CC2D2B: variants seen among roughly 807,000 people sequenced by gnomAD.
The protein encoded by CC2D2B is coiled-coil and C2 domain containing 2B, also known as protein CC2D2B.
A neutral mutation model predicts 161.2 loss-of-function variants in CC2D2B; 128 were observed. The observed-to-expected ratio is 0.79, with a 90% CI of 0.69 to 0.92. CC2D2B has a LOEUF of 0.92. CC2D2B is among the 40% of genes least tolerant of loss of function. The probability of loss-of-function intolerance (pLI) is 0.00; values close to 1 mark genes in which losing one functional copy is unlikely to be tolerated. For synonymous variants in CC2D2B, 391 were observed against 449.8 expected (o/e 0.87, Z 1.65); for missense variants, 1,173 against 1,375.1 (o/e 0.85, Z 2.32).
chr10:95,928,570 C>G (rs889669399), intron 6 of CC2D2B, among the ~76,000 whole-genome samples: 1 of 152,122 alleles, frequency 6.6e-6, no homozygotes, highest in Non-Finnish European at 1.5e-5. Flanking sequence ...CCCCCACCCC[C>G]TGACAGGCCC....
At chr10:96,027,760 T>C (rs922458621) in intron 34 of CC2D2B, among the ~76,000 whole-genome samples, 1 of 152,188 alleles carries the variant, frequency 6.6e-6, no homozygotes, top group African/African-American at 2.4e-5. Flanking sequence ...AGAGCTTTAG[T>C]AACTAAAATA....
chr10:96,009,062 A>G (rs1301433304), intron 25 of CC2D2B, among the ~76,000 whole-genome samples: 1 of 151,906 alleles, frequency 6.6e-6, no homozygotes, highest in Non-Finnish European at 1.5e-5. Flanking sequence ...TCCTGATTAT[A>G]TTTCTTGTTT....
intron 18 of CC2D2B, 69 bp downstream of exon 18, chr10:95,982,182 T>C: frequency 1.9e-6 from 2 of 1,048,148 alleles, no homozygotes; most frequent in Non-Finnish European, 2.4e-6. Context: ...GAAAGTATAG[T>C]TTCCCCCATA....
At chr10:95,947,122 T>A (rs1198278099) in intron 9 of CC2D2B, among the ~76,000 whole-genome samples, 9,354 of 44,800 alleles carry the variant, frequency 0.21, 1,027 homozygotes, top group African/African-American at 0.32. Context: ...TATTTTTTTT[T>A]TTTTTTTTGA....
At chr10:95,959,890 C>T (rs1298846883) in intron 11 of CC2D2B, among the ~76,000 whole-genome samples, 1 of 152,022 alleles carries the variant, frequency 6.6e-6, no homozygotes, top group African/African-American at 2.4e-5. Flanking sequence ...AGGCAAAGTA[C>T]CTCTAAATTT....
At chr10:95,924,529 C>CTATA (rs77791639) in intron 4 of CC2D2B, 139 bp downstream of exon 4, 23 of 558,506 alleles carry the variant, frequency 4.1e-5, no homozygotes, top group Admixed American at 7.0e-5. Flanking sequence ...CTCTCTCTCT[C>CTATA]TATATATATA....
At chr10:95,943,336 G>C (rs2076087307) in intron 9 of CC2D2B, among the ~76,000 whole-genome samples, 1 of 152,118 alleles carries the variant, frequency 6.6e-6, no homozygotes, top group Non-Finnish European at 1.5e-5. Flanking sequence ...CAGACCTTCT[G>C]AATATTGATG....
chr10:95,966,327 A>C, intron 14 of CC2D2B, 25 bp downstream of exon 14: 1 of 813,356 alleles, frequency 1.2e-6, no homozygotes, highest in Non-Finnish European at 1.6e-6. Context: ...ATAATTATTT[A>C]TTTATTATAT....
chr10:96,001,970 ATAAT>A (rs2078518015), intron 24 of CC2D2B, among the ~76,000 whole-genome samples: 1 of 152,228 alleles, frequency 6.6e-6, no homozygotes, highest in South Asian at 2.1e-4. Flanking sequence ...ATCAAGTTAA[ATAAT>A]TAACATATAA....
chr10:95,940,006 G>C (rs181341666), intron 9 of CC2D2B, among the ~76,000 whole-genome samples: 1 of 152,244 alleles, frequency 6.6e-6, no homozygotes, highest in Non-Finnish European at 1.5e-5. Context: ...TGATTCTACA[G>C]GCTGTACAGG....
intron 2 of CC2D2B, among the ~76,000 whole-genome samples, chr10:95,918,449 C>T (rs189428031): frequency 6.6e-6 from 1 of 152,296 alleles, no homozygotes; most frequent in Admixed American, 6.5e-5. Context: ...TTTCTTTTAG[C>T]CTGTAAGGTT....
chr10:95,917,161 C>G (rs1432974392), intron 2 of CC2D2B, among the ~76,000 whole-genome samples: 4 of 152,040 alleles, frequency 2.6e-5, no homozygotes, highest in African/African-American at 2.4e-5. Context: ...CTGTTTTTGT[C>G]TTGAAATTTA....
chr10:96,018,006 C>A (rs1047870189), intron 30 of CC2D2B, among the ~76,000 whole-genome samples: 2 of 152,164 alleles, frequency 1.3e-5, no homozygotes, highest in Non-Finnish European at 2.9e-5. Context: ...CTCTGAGCCT[C>A]AGTTACCTCC....
intron 33 of CC2D2B, among the ~76,000 whole-genome samples, chr10:96,025,154 AATATATAT>A (rs1175038678): frequency 1.7e-3 from 34 of 20,078 alleles, no homozygotes; most frequent in Admixed American, 9.3e-3. Context: ...ACTAAAAAAA[AATATATAT>A]ATATATATAT....
intron 19 of CC2D2B, 32 bp downstream of exon 19, chr10:95,983,841 G>C (rs1278352573): frequency 1.0e-6 from 1 of 972,340 alleles, no homozygotes; most frequent in Non-Finnish European, 1.3e-6. Context: ...ATGGCTTATT[G>C]TATGATAAAG....
intron 12 of CC2D2B, among the ~76,000 whole-genome samples, chr10:95,965,602 G>A (rs2076913118): frequency 6.6e-6 from 1 of 152,016 alleles, no homozygotes; most frequent in South Asian, 2.1e-4. Context: ...CCATTCCCCT[G>A]TTACTTATTC....
At chr10:95,968,366 A>G (rs950413090) in intron 14 of CC2D2B, among the ~76,000 whole-genome samples, 1 of 152,124 alleles carries the variant, frequency 6.6e-6, no homozygotes, top group African/African-American at 2.4e-5. Context: ...TTCTTGATTC[A>G]ACCTCCCCTC....
chr10:95,933,422 T>C (rs1355122542), intron 6 of CC2D2B, among the ~76,000 whole-genome samples: 1 of 152,182 alleles, frequency 6.6e-6, no homozygotes, highest in Non-Finnish European at 1.5e-5. Context: ...TTTTGTTCCC[T>C]TGCTGGTGAG....
intron 30 of CC2D2B, among the ~76,000 whole-genome samples, chr10:96,017,388 G>T (rs1334692027): frequency 6.6e-6 from 1 of 152,168 alleles, no homozygotes; most frequent in Non-Finnish European, 1.5e-5. Context: ...GTAGTTGTAA[G>T]TGCCACTAGA....
Sources: gnomAD v4.1 joint callset for allele counts (sites outside exome capture counted in the v4.1 genomes callset) on GRCh38, gnomAD v4.1.1 for gene constraint, MANE v1.5 for transcripts, NCBI Gene and HGNC (gene_info 2026-07-23, HGNC 2026-07-21) for gene names.